The following TRIM58 variants were observed in gnomAD, a reference collection of about 807,000 sequenced individuals.
TRIM58 encodes tripartite motif containing 58.
In TRIM58, 38 loss-of-function variants were observed where a neutral mutation model predicts 34.1. The observed-to-expected ratio is 1.12, with a 90% confidence interval of 0.86 to 1.46. The LOEUF (loss-of-function observed/expected upper bound fraction) is 1.46, where lower values mean the gene tolerates loss of function less well. TRIM58 is among the 40% of genes most tolerant of loss of function. The pLI is 0.00. For missense variants in TRIM58, 677 were observed against 642.0 expected (o/e 1.05, Z -0.59); for synonymous variants, 273 against 275.7 (o/e 0.99, Z 0.10).
At chr1:247,863,732 C>A (rs780496907) in intron 2 of TRIM58, among the ~76,000 whole-genome samples, 1 of 152,074 alleles carries the variant, frequency 6.6e-6, no homozygotes, top group African/African-American at 2.4e-5. Context: ...AGTTAGTTTT[C>A]GATATACTTA....
chr1:247,867,725 A>G (rs1378659710), intron 3 of TRIM58, 120 bp from the exon 4 acceptor site: 11 of 1,129,178 alleles, frequency 9.7e-6, no homozygotes, highest in African/African-American at 4.7e-5. Flanking sequence ...ATTGTCCCCT[A>G]TAATTTTATC....
intron 3 of TRIM58, among the ~76,000 whole-genome samples, chr1:247,865,209 C>T (rs891670658): frequency 6.6e-6 from 1 of 152,094 alleles, no homozygotes; most frequent in Non-Finnish European, 1.5e-5. Context: ...ACAGGAGGAT[C>T]GCTTGGGCCA....
chr1:247,874,910 G>A (rs4925749), intron 5 of TRIM58, among the ~76,000 whole-genome samples: 16,114 of 152,136 alleles, frequency 0.11, 928 homozygotes, highest in Admixed American at 0.15. Flanking sequence ...GTGCAAATGC[G>A]GTACTGAGAT....
chr1:247,857,647 A>G lies in TRIM58; in HGVS notation c.401A>G (p.Glu134Gly). The G allele has an allele frequency of 8.1e-7, 1 of 1,234,244 alleles. No homozygotes were observed. Among genetic ancestry groups the G allele is most frequent in the Non-Finnish European group, 1.0e-6 (1 of 989,296 alleles). 76.5% of individuals were successfully genotyped at this position (1,234,244 alleles called of 1,614,324 possible). The change falls in exon 1 of 6, where the codon GAG becomes GGG. Residue 134 changes from glutamate (E) to glycine (G), a missense_variant. By Grantham distance (98) the Glu-to-Gly change is moderately conservative (BLOSUM62 -2). Transcript: ENST00000366481. ...ACGCACCGCACGGCGCCGCTGCAGG[A>G]GGCCGCCGGCAGCTACCAGGTGAGG... ...HRTHRTAPLQ[E>G]AAGSYQVKLQ...
At chr1:247,875,541 GTCTC>G (rs373948554) in intron 5 of TRIM58, among the ~76,000 whole-genome samples, 3,947 of 148,482 alleles carry the variant, frequency 0.027, 161 homozygotes, top group African/African-American at 0.09. Flanking sequence ...CCGTCTCTCT[GTCTC>G]TCTCTCTCTC....
chr1:247,864,944 G>C lies in TRIM58; in HGVS notation c.747+9G>C. On this transcript the variant is annotated intron_variant, in intron 3 of 5. Coordinates refer to ENST00000366481, the MANE Select transcript of TRIM58 (RefSeq NM_015431.4). ...CCCTGGGTCTGCTGGAGGTGAGGCCGGGTGCCAGAAAAGCAGGCAGATGTG... is the reference window on the plus strand; with the variant it reads ...CCCTGGGTCTGCTGGAGGTGAGGCCCGGTGCCAGAAAAGCAGGCAGATGTG... 6.4e-7 allele frequency: 1 copy of C among 1,554,116 alleles called. No homozygotes were observed. Among genetic ancestry groups the C allele is most frequent in the Non-Finnish European group, 8.7e-7 (1 of 1,148,566 alleles).
In TRIM58 at chr1:247,857,523, G is replaced by A. The variant is rs903136281; in HGVS notation, c.277G>A (p.Ala93Thr). 118 of 1,284,512 alleles carry A rather than the reference G, an allele frequency of 9.2e-5. No homozygotes were observed. Among genetic ancestry groups the A allele is most frequent in the Middle Eastern group, 2.9e-4 (1 of 3,440 alleles). The allele number at this position is 1,284,512 out of a possible 1,614,324, so 79.6% of individuals were successfully genotyped here. ...GCTGGGGTTGGGCGCGGGGCCCGGG[G>A]CGCGGCGATGCGCGCGGCACGGCGA... Reference protein sequence around the residue: ...RRLGLGAGPGARRCARHGEDL... With the variant: ...RRLGLGAGPGTRRCARHGEDL... The change falls in exon 1 of 6, where the codon GCG becomes ACG. Residue 93 changes from alanine to threonine, a missense_variant. Physicochemically the swap from Ala to Thr is moderately conservative, Grantham distance 58. Coordinates refer to ENST00000366481, the MANE Select transcript of TRIM58 (RefSeq NM_015431.4).
At chr1:247,873,529 C>G (rs1659197550) in intron 5 of TRIM58, among the ~76,000 whole-genome samples, 1 of 152,184 alleles carries the variant, frequency 6.6e-6, no homozygotes, top group Non-Finnish European at 1.5e-5. Flanking sequence ...TTATTTACCT[C>G]TAGAGTTTGG....
intron 2 of TRIM58, among the ~76,000 whole-genome samples, chr1:247,861,216 C>T (rs949106333): frequency 2.6e-5 from 4 of 152,040 alleles, no homozygotes; most frequent in African/African-American, 7.3e-5. Context: ...TTCATTCATG[C>T]ACATGTGCGT....
rs996464937 is a variant in TRIM58 at position 247,868,646 on chromosome 1, A to T, written c.871+583A>T. Among the ~76,000 whole-genome samples the T allele has an allele frequency of 2.0e-5, 3 of 152,142 alleles. No individual in the cohort carries two copies. The South Asian group carries it at 6.2e-4, about 32-fold the overall frequency. On this transcript the variant is annotated intron_variant, in intron 5 of 5. Coordinates refer to ENST00000366481, the MANE Select transcript of TRIM58 (RefSeq NM_015431.4). ...GCACAGGTTGTGGTCTGTGATTCTG[A>T]CCAACTGACTGTAAACTGGGGTTCC...
Position 247,879,309 on chromosome 1 carries a change from C to T in TRIM58, c.*2820C>T, listed in dbSNP as rs1028545509. 6.6e-5 allele frequency among the ~76,000 whole-genome samples: 10 copies of T among 152,134 alleles called. No homozygotes were observed. Among genetic ancestry groups the T allele is most frequent in the African/African-American group, 1.9e-4 (8 of 41,416 alleles). ...GTTGGTCCTACCTTCAGAATATGTC[C>T]GGGGTTCAGTTGTCCTGGCCACCCT... On this transcript the variant is annotated 3_prime_UTR_variant, in exon 6 of 6. Coordinates refer to ENST00000366481, the MANE Select transcript of TRIM58 (RefSeq NM_015431.4).
At position 247,857,465 on chromosome 1, in the gene TRIM58, G is replaced by T. The variant is rs753210029; in HGVS notation, c.219G>T (p.Arg73=). The T allele has an allele frequency of 1.8e-5, 25 of 1,380,358 alleles. No homozygotes were observed. The highest frequency in any genetic ancestry group is 2.3e-5 in the Non-Finnish European group (24 of 1,060,922). The allele number at this position is 1,380,358 out of a possible 1,614,324, so 85.5% of individuals were successfully genotyped here. A position where few individuals can be genotyped will look rare whatever the true frequency, so the allele number is the denominator to read the frequency against. Residue 73 remains arginine, a synonymous_variant, in exon 1 of 6, where the codon CGG becomes CGT. Coordinates refer to ENST00000366481, the MANE Select transcript of TRIM58 (RefSeq NM_015431.4). ...PFRPSGFRPN[R]QLAGLVESVR... Reference sequence around the variant, plus strand: ...GGCCCTCGGGCTTTCGCCCCAACCGGCAGCTGGCGGGCCTGGTGGAGAGCG... The same window carrying T: ...GGCCCTCGGGCTTTCGCCCCAACCGTCAGCTGGCGGGCCTGGTGGAGAGCG...
intron 2 of TRIM58, among the ~76,000 whole-genome samples, chr1:247,862,150 A>G (rs1033322866): frequency 1.2e-4 from 18 of 152,200 alleles, no homozygotes; most frequent in Non-Finnish European, 2.4e-4. Flanking sequence ...GGAAAAAAGA[A>G]AAGAAAAATG....
At position 247,857,262 on chromosome 1, in the gene TRIM58, C is replaced by T; in HGVS notation, c.16C>T (p.Pro6Ser). The T allele has an allele frequency of 7.5e-7, 1 of 1,330,276 alleles. No individual in the cohort carries two copies. The highest frequency in any genetic ancestry group is 2.1e-5 in the South Asian group (1 of 46,894). 82.4% of individuals were successfully genotyped at this position (1,330,276 alleles called of 1,614,324 possible). ...GAGGCGGGTCATGGCCTGGGCGCCG[C>T]CCGGGGAGCGGCTGCGCGAGGATGC... MAWAPPGERLREDARC... is the reference protein window; with the variant it reads MAWAPSGERLREDARC... Residue 6 changes from proline (P) to serine (S), a missense_variant, in exon 1 of 6, where the codon CCC becomes TCC. Transcript: ENST00000366481.
At chr1:247,867,565 C>T (rs573009814) in intron 3 of TRIM58, among the ~76,000 whole-genome samples, 4 of 151,880 alleles carry the variant, frequency 2.6e-5, no homozygotes, top group African/African-American at 7.2e-5. Context: ...ATTAGCCAGG[C>T]GTGGTGGCGG....
Position 247,864,826 on chromosome 1 carries a change from A to C in TRIM58, c.638A>C (p.Gln213Pro). 1 of 1,613,670 alleles carries C rather than the reference A, an allele frequency of 6.2e-7. No individual in the cohort carries two copies. Among genetic ancestry groups the C allele is most frequent in the East Asian group, 2.2e-5 (1 of 44,834 alleles). The stretch of plus-strand genomic sequence containing the variant: ...GAGGCGGAGGAGCGAGCGACGCTGC[A>C]GAGACTGCGGGAGAGCAAGAGCCGG... ...RLEAEERATL[Q>P]RLRESKSRLV... The change falls in exon 3 of 6, where the codon CAG (glutamine) becomes CCG (proline). Residue 213 changes from glutamine to proline, a missense_variant. Gln to Pro is a moderately conservative substitution (Grantham distance 76, BLOSUM62 -1). Coordinates refer to ENST00000366481, the MANE Select transcript of TRIM58 (RefSeq NM_015431.4).
chr1:247,861,931 C>T (rs1016242266), intron 2 of TRIM58, among the ~76,000 whole-genome samples: 1 of 151,610 alleles, frequency 6.6e-6, no homozygotes, highest in South Asian at 2.1e-4. Context: ...CGAGACCAGC[C>T]TGACCAACAC....
chr1:247,878,367 T>G lies in TRIM58; in HGVS notation c.*1878T>G, dbSNP rs1048358327. ...AGATGTTTTTCTCTTCCAGGGAGATTTTTTCGACTGACATCTTTAACTTAC... is the reference window on the plus strand; with the variant it reads ...AGATGTTTTTCTCTTCCAGGGAGATGTTTTCGACTGACATCTTTAACTTAC... On this transcript the variant is annotated 3_prime_UTR_variant, in exon 6 of 6. Transcript: ENST00000366481. Among the ~76,000 whole-genome samples the G allele has an allele frequency of 2.0e-5, 3 of 152,186 alleles. No homozygotes were observed. The highest frequency in any genetic ancestry group is 2.0e-4 in the Admixed American group (3 of 15,282).
chr1:247,858,752 CTTTTTTTTT>C (rs386370399), intron 1 of TRIM58, among the ~76,000 whole-genome samples: 5 of 87,874 alleles, frequency 5.7e-5, no homozygotes, highest in South Asian at 9.6e-4. Context: ...TTGGTAGTAA[CTTTTTTTTT>C]TTTTTTTTTT....
Sources: gnomAD v4.1 joint callset for allele counts (sites outside exome capture counted in the v4.1 genomes callset) on GRCh38, gnomAD v4.1.1 for gene constraint, MANE v1.5 for transcripts, NCBI Gene and HGNC (gene_info 2026-07-23, HGNC 2026-07-21) for gene names.